Variants in CEP44 observed in about 807,000 individuals in gnomAD.
CEP44 encodes the protein centrosomal protein 44.
CEP44 carries 45 observed loss-of-function variants against 46.7 expected under a neutral mutation model. The ratio of observed to expected loss-of-function variants is 0.96; its 90% CI spans 0.76 to 1.24. CEP44 has a LOEUF of 1.24. Ranked by LOEUF, CEP44 falls within the 50% of genes most tolerant of loss-of-function variation. The pLI is 0.00. For synonymous variants in CEP44, 142 were observed against 146.0 expected, an observed-to-expected ratio of 0.97 and a Z score of 0.20; for missense variants, 475 against 459.7, an observed-to-expected ratio of 1.03 and a Z score of -0.30.
downstream of CEP44, among the ~76,000 whole-genome samples, chr4:174,321,219 A>G (rs113648217): frequency 4.9e-3 from 741 of 152,260 alleles, 7 homozygotes; most frequent in African/African-American, 0.017. Context: ...GTTTACATTC[A>G]CATACTTCTT....
Position 174,293,131 on chromosome 4 carries a change from G to A in CEP44, c.-147-4835G>A, listed in dbSNP as rs1230354785. 7.2e-5 allele frequency among the ~76,000 whole-genome samples: 11 copies of A among 152,322 alleles called. No homozygotes were observed. The East Asian group carries it at 1.7e-3, about 24-fold the overall frequency. Reference sequence around the variant, plus strand: ...CTTACATGTTCAAAATCAGGTCTGCGGTTGTGGGCCTGTTACTGGGGCTTG... The same window carrying A: ...CTTACATGTTCAAAATCAGGTCTGCAGTTGTGGGCCTGTTACTGGGGCTTG... On this transcript the variant is annotated intron_variant, in intron 1 of 11. Transcript: ENST00000503780.
intron 6 of CEP44, 84 bp downstream of exon 6, chr4:174,304,453 C>T: frequency 6.6e-7 from 1 of 1,512,564 alleles, no homozygotes; most frequent in Non-Finnish European, 8.8e-7. Flanking sequence ...CTGATTGGCA[C>T]CTGATGAACA....
chr4:174,285,457 A>G (rs1304978084), intron 1 of CEP44: 1 of 152,122 alleles, frequency 6.6e-6, no homozygotes, highest in African/African-American at 2.4e-5. Context: ...ACTCTTCAAA[A>G]TATTTATTCA....
chr4:174,308,570 T>G, intron 6 of CEP44, 119 bp from the exon 7 acceptor site: 1 of 894,358 alleles, frequency 1.1e-6, no homozygotes, highest in Non-Finnish European at 1.7e-6. Flanking sequence ...CAAACCCCCA[T>G]GGCACACATT....
intron 11 of CEP44, chr4:174,316,781 A>C (rs1741777090): frequency 2.5e-6 from 1 of 403,428 alleles, no homozygotes; most frequent in Admixed American, 4.6e-5. Flanking sequence ...GCGATTTAAA[A>C]CTTGTTGGAA....
At chr4:174,322,586 T>G (rs936881658), downstream of CEP44, among the ~76,000 whole-genome samples, 1 of 152,172 alleles carries the variant, frequency 6.6e-6, no homozygotes, top group African/African-American at 2.4e-5. Context: ...CCTGCGAAAC[T>G]ATGAGTGTTA....
rs1308648309 is a variant in CEP44, at chr4:174,318,171, C to T, written c.*788C>T. On this transcript the variant is annotated 3_prime_UTR_variant, in exon 12 of 12. Coordinates refer to ENST00000503780, the MANE Select transcript of CEP44 (RefSeq NM_001040157.3). ...CTCTGCCTACCGGGTTCAAGTGATT[C>T]TTGTGCCTCAGCCTCCTGAGTAGCT... is the stretch of plus-strand genomic sequence containing the variant. 2 of 709,332 alleles carry T rather than the reference C, an allele frequency of 2.8e-6. No individual in the cohort carries two copies. The highest frequency in any genetic ancestry group is 2.6e-4 in the East Asian group (2 of 7,636). The allele number at this position is 709,332 out of a possible 1,614,324, so 43.9% of individuals were successfully genotyped here.
chr4:174,296,631 G>A lies in CEP44; in HGVS notation c.-147-1335G>A, dbSNP rs74524442. 6.7e-3 allele frequency among the ~76,000 whole-genome samples: 1,024 copies of A among 152,040 alleles called. 15 individuals are homozygous for A. The highest frequency in any genetic ancestry group is 0.023 in the African/African-American group (970 of 41,488). On this transcript the variant is annotated intron_variant, in intron 1 of 11. Transcript: ENST00000503780. The stretch of plus-strand genomic sequence containing the variant: ...AATGTGTTAAGGTATGCCTTATGAC[G>A]CCAAAGATAGTCTATCTTGGTGGAT...
chr4:174,297,678 G>A lies in CEP44; in HGVS notation c.-147-288G>A, dbSNP rs1057501830. On this transcript the variant is annotated intron_variant, in intron 1 of 11. Coordinates refer to ENST00000503780, the MANE Select transcript of CEP44 (RefSeq NM_001040157.3). This position sits in a 1 kb window ranked among gnomAD's most constrained non-coding sequence, Gnocchi z 4.3. ...TGTGTGTGTGTGTGTGTGTGTGTGT[G>A]TGTGTGTTTTCATTAATACTTCTTT... Among the ~76,000 whole-genome samples, 1 of 150,428 alleles carries A rather than the reference G, an allele frequency of 6.6e-6. No individual in the cohort carries two copies. The highest frequency in any genetic ancestry group is 1.5e-5 in the Non-Finnish European group (1 of 67,736).
chr4:174,304,123 C>T, intron 5 of CEP44, 124 bp from the exon 6 acceptor site: 1 of 1,167,972 alleles, frequency 8.6e-7, no homozygotes, highest in Non-Finnish European at 1.2e-6. Context: ...CATGTAGTCT[C>T]ATTAGAGTCT....
Position 174,319,504 on chromosome 4 carries a change from AAAGTT to A in CEP44, c.*2126_*2130del. ...AAGTTTTCTTATGGAAGATAGAAAA[AAAGTT>A]AAGTCTCTTTCTACCCTTTCTTTTT... On this transcript the variant is annotated 3_prime_UTR_variant, in exon 12 of 12. Coordinates refer to ENST00000503780, the MANE Select transcript of CEP44 (RefSeq NM_001040157.3). 1 of 921,048 alleles carries A rather than the reference AAAGTT, an allele frequency of 1.1e-6. No individual in the cohort carries two copies. The highest frequency in any genetic ancestry group is 6.2e-5 in the Admixed American group (1 of 16,206). 57.1% of individuals were successfully genotyped at this position (921,048 alleles called of 1,614,324 possible).
intron 3 of CEP44, among the ~76,000 whole-genome samples, chr4:174,300,777 T>C (rs1393861782): frequency 6.6e-6 from 1 of 152,124 alleles, no homozygotes; most frequent in African/African-American, 2.4e-5. Flanking sequence ...TCTGGCCATT[T>C]GCTGTTTTTT....
At chr4:174,330,817 A>G (rs1215787606) in intron 8 of CEP44, among the ~76,000 whole-genome samples, 1 of 133,508 alleles carries the variant, frequency 7.5e-6, no homozygotes, top group Non-Finnish European at 1.6e-5. Flanking sequence ...GCAACTCATA[A>G]TCTAATAGTC....
rs955997940 is a variant in CEP44, at chr4:174,320,147, A to G, written c.*2764A>G. The G allele has an allele frequency of 1.0e-6, 1 of 985,038 alleles. No individual in the cohort carries two copies. Among genetic ancestry groups the G allele is most frequent in the Middle Eastern group, 5.2e-4 (1 of 1,914 alleles). 61.0% of individuals were successfully genotyped at this position (985,038 alleles called of 1,614,324 possible). A position where few individuals can be genotyped will look rare whatever the true frequency, so the allele number is the denominator to read the frequency against. On this transcript the variant is annotated 3_prime_UTR_variant, in exon 12 of 12. Transcript: ENST00000503780. The stretch of plus-strand genomic sequence containing the variant: ...TATATGGAAATACTATAAAGAATAC[A>G]TAAGGTAAAATACTAGTCAGAAAGG...
rs1742624113 is a variant in CEP44, at chr4:174,325,762, T to G, written c.1087-5720T>G. On this transcript the variant is annotated intron_variant, in intron 8 of 8. Transcript: ENST00000426172. The surrounding 1 kb of genome is among the most constrained non-coding windows in gnomAD (Gnocchi z 4.4). ...TTCTATCATGTATTTTTAAACCTGTTTTTAAATGCATAAACATTTAGGACT... is the reference window on the plus strand; with the variant it reads ...TTCTATCATGTATTTTTAAACCTGTGTTTAAATGCATAAACATTTAGGACT... Among the ~76,000 whole-genome samples the G allele has an allele frequency of 6.6e-6, 1 of 152,210 alleles. No individual in the cohort carries two copies. Among genetic ancestry groups the G allele is most frequent in the Non-Finnish European group, 1.5e-5 (1 of 68,028 alleles).
intron 9 of CEP44, among the ~76,000 whole-genome samples, chr4:174,315,232 AT>A (rs200701841): frequency 0.18 from 26,283 of 143,228 alleles, 2,248 homozygotes; most frequent in South Asian, 0.24. Flanking sequence ...TGGGTGTCTA[AT>A]TTTTTTTTTT....
rs1468555327 is a variant in CEP44 at position 174,310,817 on chromosome 4, A to G, written c.920A>G (p.Glu307Gly). The G allele has an allele frequency of 4.6e-6, 7 of 1,522,300 alleles. No homozygotes were observed. Among genetic ancestry groups the G allele is most frequent in the Non-Finnish European group, 6.3e-6 (7 of 1,108,178 alleles). 94.3% of individuals were successfully genotyped at this position (1,522,300 alleles called of 1,614,324 possible). A position where few individuals can be genotyped will look rare whatever the true frequency, so the allele number is the denominator to read the frequency against. ...DEFIEFNEVS[E>G]DYASCSDMDL... Reference sequence around the variant, plus strand: ...TTTATAGAGTTTAATGAAGTTAGTGAAGACTACGCTTCTTGTAGTGACATG... The same window carrying G: ...TTTATAGAGTTTAATGAAGTTAGTGGAGACTACGCTTCTTGTAGTGACATG... The change falls in exon 9 of 12, where the codon GAA becomes GGA. Residue 307 changes from glutamate (E) to glycine (G), a missense_variant. By Grantham distance (98) the Glu-to-Gly change is moderately conservative (BLOSUM62 -2). Transcript: ENST00000503780. This position sits in a 1 kb window ranked among gnomAD's most constrained non-coding sequence, Gnocchi z 4.2.
chr4:174,284,066 G>T, intron 1 of CEP44, 123 bp downstream of exon 1: 1 of 399,162 alleles, frequency 2.5e-6, no homozygotes, highest in South Asian at 1.3e-4. Context: ...GACTGTGTAT[G>T]GTTGCATATG....
chr4:174,322,921 G>A (rs1742413782), downstream of CEP44, among the ~76,000 whole-genome samples: 1 of 152,004 alleles, frequency 6.6e-6, no homozygotes, highest in Non-Finnish European at 1.5e-5. Flanking sequence ...CATACTTTAA[G>A]CACTGATATT....
Sources: allele counts gnomAD v4.1 joint callset (sites outside exome capture counted in the v4.1 genomes callset), GRCh38; gene constraint gnomAD v4.1.1; non-coding constraint Gnocchi (gnomAD v3.1); transcripts MANE v1.5; gene names NCBI Gene and HGNC (gene_info 2026-07-23, HGNC 2026-07-21).